The following UCK2 variants were observed in gnomAD, a reference collection of about 807,000 sequenced individuals.
UCK2 encodes cytidine monophosphokinase 2.
UCK2 carries 6 observed loss-of-function variants against 30.8 expected under a neutral mutation model. That is an observed-to-expected ratio of 0.19 (90% CI 0.11 to 0.38). UCK2 has a LOEUF of 0.38. Ranked by LOEUF, UCK2 falls within the 10% of genes least tolerant of loss-of-function variation. The pLI, the probability that UCK2 is intolerant of heterozygous loss-of-function variation, is 1.00. For missense variants in UCK2, 210 were observed against 339.8 expected, an observed-to-expected ratio of 0.62 and a Z score of 3.00; for synonymous variants, 125 against 133.6, an observed-to-expected ratio of 0.94 and a Z score of 0.45.
chr1:165,835,462 A>T (rs909417698), intron 1 of UCK2, among the ~76,000 whole-genome samples: 3 of 152,012 alleles, frequency 2.0e-5, no homozygotes, highest in Non-Finnish European at 4.4e-5. Flanking sequence ...TGGGCTCCCA[A>T]GGTGCTGGGA....
intron 1 of UCK2, among the ~76,000 whole-genome samples, chr1:165,866,742 T>C (rs775107225): frequency 9.9e-5 from 15 of 152,240 alleles, no homozygotes; most frequent in South Asian, 2.1e-4. Context: ...CTAGGTACTT[T>C]AGTTAAGTGG....
chr1:165,872,480 A>G (rs1397640150), intron 1 of UCK2, among the ~76,000 whole-genome samples: 1 of 152,264 alleles, frequency 6.6e-6, no homozygotes, highest in African/African-American at 2.4e-5. Flanking sequence ...ATAGTACATT[A>G]TATATAAATT....
intron 1 of UCK2, among the ~76,000 whole-genome samples, chr1:165,832,063 C>A (rs1031611173): frequency 6.6e-6 from 1 of 152,168 alleles, no homozygotes; most frequent in Non-Finnish European, 1.5e-5. Context: ...GCCACCGTGC[C>A]CGGCCTTATT....
chr1:165,870,394 A>G (rs370342885), intron 1 of UCK2, among the ~76,000 whole-genome samples: 1 of 150,388 alleles, frequency 6.6e-6, no homozygotes, highest in African/African-American at 2.4e-5. Context: ...TAATATGTGA[A>G]TGAAGATACT....
At chr1:165,900,276 T>A (rs1008059841) in intron 4 of UCK2, 1 of 152,204 alleles carries the variant, frequency 6.6e-6, no homozygotes, top group Non-Finnish European at 1.5e-5. Flanking sequence ...ATAGAACACA[T>A]GCTTATTGAA....
intron 1 of UCK2, among the ~76,000 whole-genome samples, chr1:165,871,067 G>A (rs1377833757): frequency 6.6e-6 from 1 of 152,086 alleles, no homozygotes; most frequent in Non-Finnish European, 1.5e-5. Flanking sequence ...TGCCAGCGTT[G>A]CCCCTCCCAA....
intron 1 of UCK2, among the ~76,000 whole-genome samples, chr1:165,865,510 G>C (rs762863942): frequency 6.6e-6 from 1 of 152,048 alleles, no homozygotes; most frequent in Non-Finnish European, 1.5e-5. Context: ...CATTTTTTAG[G>C]GGGGACAATT....
chr1:165,835,208 G>A (rs1345106934), intron 1 of UCK2, among the ~76,000 whole-genome samples: 1 of 150,626 alleles, frequency 6.6e-6, no homozygotes, highest in Non-Finnish European at 1.5e-5. Context: ...GTGATAGAAT[G>A]GGCTGATAAC....
Position 165,867,199 on chromosome 1 carries a change from A to T in UCK2, c.100-23005A>T, listed in dbSNP as rs140172731. Among the ~76,000 whole-genome samples the T allele has an allele frequency of 4.4e-3, 677 of 152,346 alleles. 6 individuals are homozygous for T. The highest frequency in any genetic ancestry group is 0.015 in the African/African-American group (626 of 41,580). On this transcript the variant is annotated intron_variant, in intron 1 of 6. Coordinates refer to ENST00000367879, the MANE Select transcript of UCK2 (RefSeq NM_012474.5). The stretch of plus-strand genomic sequence containing the variant: ...AGATACCTTAAGTTTAAAATGCTTT[A>T]TTGCTAATGGTCATCTGAGCCTTCA...
intron 1 of UCK2, among the ~76,000 whole-genome samples, chr1:165,866,232 A>G (rs1437668605): frequency 1.3e-5 from 2 of 152,060 alleles, no homozygotes; most frequent in Non-Finnish European, 2.9e-5. Flanking sequence ...ATTTTTTTTG[A>G]AAGTATTTGT....
At chr1:165,842,046 G>A (rs991674696) in intron 1 of UCK2, among the ~76,000 whole-genome samples, 3 of 152,188 alleles carry the variant, frequency 2.0e-5, no homozygotes, top group Non-Finnish European at 4.4e-5. Context: ...TAATCACCTA[G>A]TCTCTAAATC....
At chr1:165,855,341 TCCCC>T (rs1407467173) in intron 1 of UCK2, among the ~76,000 whole-genome samples, 1 of 152,102 alleles carries the variant, frequency 6.6e-6, no homozygotes, top group Non-Finnish European at 1.5e-5. Context: ...AGCAAAGATG[TCCCC>T]AAATAAGGTG....
chr1:165,841,111 G>GTATATA (rs61030546), intron 1 of UCK2, among the ~76,000 whole-genome samples: 70 of 144,958 alleles, frequency 4.8e-4, no homozygotes, highest in Admixed American at 6.8e-4. Context: ...GTGTGTGTGT[G>GTATATA]TATATATATA....
chr1:165,880,559 T>TG (rs1557843843), intron 1 of UCK2, among the ~76,000 whole-genome samples: 3 of 86,096 alleles, frequency 3.5e-5, no homozygotes, highest in African/African-American at 8.2e-5. Context: ...ATTCAGTTTT[T>TG]TTTGGGGGTG....
chr1:165,846,881 C>G (rs1401691561), intron 1 of UCK2, among the ~76,000 whole-genome samples: 1 of 152,136 alleles, frequency 6.6e-6, no homozygotes, highest in Non-Finnish European at 1.5e-5. Context: ...TTGCACTCAT[C>G]AGGTGGATGT....
intron 1 of UCK2, among the ~76,000 whole-genome samples, chr1:165,885,860 G>A (rs1264829646): frequency 2.0e-5 from 3 of 152,188 alleles, no homozygotes; most frequent in South Asian, 2.1e-4. Context: ...CATATAGAAA[G>A]AAATGGGGCT....
chr1:165,848,829 C>CT (rs1654521300), intron 1 of UCK2, among the ~76,000 whole-genome samples: 1 of 152,034 alleles, frequency 6.6e-6, no homozygotes, highest in Non-Finnish European at 1.5e-5. Flanking sequence ...AAGTTTCTAC[C>CT]CATAGAAATA....
chr1:165,869,138 C>T (rs143455536), intron 1 of UCK2, among the ~76,000 whole-genome samples: 2,109 of 151,994 alleles, frequency 0.014, 14 homozygotes, highest in Non-Finnish European at 0.024. Context: ...TTTATATGGG[C>T]GTGGTTGGTG....
intron 1 of UCK2, among the ~76,000 whole-genome samples, chr1:165,838,761 A>C (rs1357762211): frequency 6.6e-6 from 1 of 151,530 alleles, no homozygotes; most frequent in African/African-American, 2.4e-5. Flanking sequence ...CATTAAAAAA[A>C]ATCAGGCTGG....
Sources: allele counts gnomAD v4.1 joint callset (sites outside exome capture counted in the v4.1 genomes callset), GRCh38; gene constraint gnomAD v4.1.1; transcripts MANE v1.5; gene names NCBI Gene and HGNC (gene_info 2026-07-23, HGNC 2026-07-21).